The following PRIM2 variants were observed in gnomAD, a reference collection of about 807,000 sequenced individuals.
PRIM2 encodes the protein DNA primase subunit 2.
Under a neutral mutation model 67.3 loss-of-function variants are expected in PRIM2, and 39 were observed. The observed-to-expected ratio is 0.58, with a 90% CI of 0.45 to 0.76. The LOEUF is 0.76. PRIM2 is among the 30% of genes least tolerant of loss of function. The pLI is 0.00. For synonymous variants in PRIM2, 143 were observed against 198.7 expected (o/e 0.72, Z 2.36); for missense variants, 398 against 598.7 (o/e 0.66, Z 3.50).
chr6:57,244,844 A>C, the PRIM2 span, among the ~76,000 whole-genome samples: 6 of 152,128 alleles, frequency 3.9e-5, no homozygotes, highest in South Asian at 2.1e-4. Flanking sequence ...CTCCTTGAGG[A>C]ATTCTAAAAA....
At chr6:57,383,164 C>G (rs1770018599) in intron 7 of PRIM2, 1 of 152,024 alleles carries the variant, frequency 6.6e-6, no homozygotes, top group South Asian at 2.1e-4. Flanking sequence ...CTGTCACTAC[C>G]CTAGATTATA....
chr6:57,564,700 A>T (rs1323528313), intron 10 of PRIM2, among the ~76,000 whole-genome samples: 1 of 152,180 alleles, frequency 6.6e-6, no homozygotes, highest in African/African-American at 2.4e-5. Context: ...GAGAAGGTAG[A>T]TAGGGAAAAT....
the PRIM2 span, among the ~76,000 whole-genome samples, chr6:57,230,281 TTA>T: frequency 1.3e-5 from 2 of 152,194 alleles, no homozygotes; most frequent in African/African-American, 4.8e-5. Flanking sequence ...TGCCTTGTTT[TTA>T]TGTCTGTGTC....
rs142008925 is a variant in PRIM2, at chr6:57,410,021, A to G, written c.693+27853A>G. Among the ~76,000 whole-genome samples, 559 of 151,832 alleles carry G rather than the reference A, an allele frequency of 3.7e-3. 2 individuals are homozygous for G. The highest frequency in any genetic ancestry group is 0.013 in the African/African-American group (518 of 41,382). ...TGGTTTCCTTGTTGGTTTTGGCACTATTAGTAGAAAAGACTGGGCCGGGCC... is the reference window on the plus strand; with the variant it reads ...TGGTTTCCTTGTTGGTTTTGGCACTGTTAGTAGAAAAGACTGGGCCGGGCC... On this transcript the variant is annotated intron_variant, in intron 7 of 13. Transcript: ENST00000615550.
At chr6:57,297,889 C>T in the PRIM2 span, among the ~76,000 whole-genome samples, 1 of 152,038 alleles carries the variant, frequency 6.6e-6, no homozygotes, top group Non-Finnish European at 1.5e-5. Context: ...AAGAACTATC[C>T]CAGACAAAGG....
At chr6:57,642,433 A>ATTTTTTTTTTTTT (rs1777256008) in intron 13 of PRIM2, among the ~76,000 whole-genome samples, 2 of 107,060 alleles carry the variant, frequency 1.9e-5, no homozygotes, top group Admixed American at 1.1e-4. Flanking sequence ...TAAATATTAT[A>ATTTTTTTTTTTTT]TCTTTTTTTT....
rs1269409164 is a variant in PRIM2, at chr6:57,376,174, G to C, written c.460-3727G>C. On this transcript the variant is annotated intron_variant, in intron 5 of 13. Coordinates refer to ENST00000615550, the MANE Select transcript of PRIM2 (RefSeq NM_000947.5). ...GATCATACCATTGCATTCCAGCCTG[G>C]GTGAACAAACAAGACCCTGTTAGAG... is the stretch of plus-strand genomic sequence containing the variant. Among the ~76,000 whole-genome samples, 4 of 152,084 alleles carry C rather than the reference G, an allele frequency of 2.6e-5. No homozygotes were observed. The East Asian group carries it at 7.7e-4, about 29-fold the overall frequency.
At chr6:57,430,585 C>T (rs1170819368) in intron 7 of PRIM2, among the ~76,000 whole-genome samples, 1 of 151,178 alleles carries the variant, frequency 6.6e-6, no homozygotes, top group Non-Finnish European at 1.5e-5. Context: ...TCCCGAGTAG[C>T]TGGGACTACA....
intron 10 of PRIM2, among the ~76,000 whole-genome samples, chr6:57,538,920 C>T (rs1313428399): frequency 2.6e-5 from 4 of 152,302 alleles, no homozygotes; most frequent in South Asian, 4.1e-4. Context: ...CCTTTAGAGG[C>T]CCTATCTCCA....
At chr6:57,551,490 C>T (rs1334563334) in intron 10 of PRIM2, among the ~76,000 whole-genome samples, 1 of 152,118 alleles carries the variant, frequency 6.6e-6, no homozygotes. Context: ...GATTGCTTTT[C>T]GACTTTGATC....
chr6:57,570,768 T>G (rs1344694105), intron 10 of PRIM2, among the ~76,000 whole-genome samples: 1 of 152,170 alleles, frequency 6.6e-6, no homozygotes, highest in Non-Finnish European at 1.5e-5. Context: ...CATTCAAGAT[T>G]ATTGAATTTT....
chr6:57,626,775 C>A (rs1270713456), intron 12 of PRIM2, among the ~76,000 whole-genome samples: 1 of 151,954 alleles, frequency 6.6e-6, no homozygotes, highest in Non-Finnish European at 1.5e-5. Context: ...CAGGCATGTG[C>A]CACCATGCCT....
the PRIM2 span, among the ~76,000 whole-genome samples, chr6:57,253,193 T>TA: frequency 1.5e-4 from 22 of 149,600 alleles, no homozygotes; most frequent in South Asian, 4.2e-4. Context: ...ACATGCAAGT[T>TA]AAAAAAAAAA....
At chr6:57,630,146 C>T (rs1218326049) in intron 12 of PRIM2, among the ~76,000 whole-genome samples, 1 of 150,328 alleles carries the variant, frequency 6.7e-6, no homozygotes, top group Non-Finnish European at 1.5e-5. Context: ...TTTCTCATCA[C>T]ACCTTTACTT....
chr6:57,336,084 C>T (rs527479802), intron 5 of PRIM2, among the ~76,000 whole-genome samples: 4 of 152,008 alleles, frequency 2.6e-5, no homozygotes, highest in Admixed American at 6.6e-5. Flanking sequence ...GGAGCCGATG[C>T]GATCAACTGG....
chr6:57,454,455 T>A (rs1772682975), intron 7 of PRIM2, among the ~76,000 whole-genome samples: 1 of 152,194 alleles, frequency 6.6e-6, no homozygotes, highest in Non-Finnish European at 1.5e-5. Context: ...AATTATTGCC[T>A]CAATTTCAGA....
the PRIM2 span, among the ~76,000 whole-genome samples, chr6:57,223,351 G>T: frequency 6.6e-6 from 1 of 152,078 alleles, no homozygotes; most frequent in Non-Finnish European, 1.5e-5. Flanking sequence ...CTGGAAGAGG[G>T]GCTTCCTTCT....
intron 9 of PRIM2, 121 bp from the exon 10 acceptor site, chr6:57,537,319 C>T (rs1166348436): frequency 3.5e-4 from 171 of 488,982 alleles, no homozygotes; most frequent in African/African-American, 3.1e-3. Context: ...AATAAAGTGG[C>T]ACTTTCTTAT....
chr6:57,435,515 A>C (rs1483112875), intron 7 of PRIM2, among the ~76,000 whole-genome samples: 4 of 152,228 alleles, frequency 2.6e-5, no homozygotes, highest in Admixed American at 6.5e-5. Flanking sequence ...AGGAGAAACA[A>C]ATACTTAAAA....
Sources: gnomAD v4.1 joint callset for allele counts (sites outside exome capture counted in the v4.1 genomes callset) on GRCh38, gnomAD v4.1.1 for gene constraint, MANE v1.5 for transcripts, NCBI Gene and HGNC (gene_info 2026-07-23, HGNC 2026-07-21) for gene names.